Variants in B3GALT1 observed in about 807,000 individuals in gnomAD.
B3GALT1 encodes UDP-Gal:betaGlcNAc beta 1,3-galactosyltransferase, polypeptide 1.
B3GALT1 carries 10 observed loss-of-function variants against 23.2 expected under a neutral mutation model. The observed-to-expected ratio is 0.43, with a 90% confidence interval of 0.27 to 0.73. The LOEUF is 0.73. B3GALT1 is among the 30% of genes least tolerant of loss of function. B3GALT1 has a pLI of 0.21. For synonymous variants in B3GALT1, 156 were observed against 141.5 expected, an observed-to-expected ratio of 1.10 and a Z score of -0.73; for missense variants, 299 against 405.4, an observed-to-expected ratio of 0.74 and a Z score of 2.25.
chr2:167,486,796 C>T (rs1003340644), intron 1 of B3GALT1, among the ~76,000 whole-genome samples: 2 of 151,824 alleles, frequency 1.3e-5, no homozygotes, highest in Non-Finnish European at 2.9e-5. Flanking sequence ...CTGATACTCA[C>T]ACTGGCCAAA....
intron 1 of B3GALT1, among the ~76,000 whole-genome samples, chr2:167,406,093 G>A (rs1442605397): frequency 6.6e-6 from 1 of 151,986 alleles, no homozygotes; most frequent in East Asian, 1.9e-4. Context: ...GGCACCCAGT[G>A]CAATTTCTTG....
At chr2:167,451,876 T>C (rs1258990028) in intron 1 of B3GALT1, among the ~76,000 whole-genome samples, 1 of 152,136 alleles carries the variant, frequency 6.6e-6, no homozygotes, top group Non-Finnish European at 1.5e-5. Context: ...CTGTGGAGGA[T>C]GGCGGTGTGG....
chr2:167,401,292 C>T (rs1698185092), intron 1 of B3GALT1, among the ~76,000 whole-genome samples: 1 of 152,106 alleles, frequency 6.6e-6, no homozygotes. Flanking sequence ...CCTAAATTTT[C>T]AGCTCAATTG....
intron 3 of B3GALT1, chr2:167,715,792 T>C (rs1687132987): frequency 2.5e-6 from 4 of 1,613,368 alleles, no homozygotes; most frequent in South Asian, 2.2e-5. Context: ...TTTCAAGTAG[T>C]TTACATTTTT....
chr2:167,715,717 G>A, intron 3 of B3GALT1: 2 of 1,613,224 alleles, frequency 1.2e-6, no homozygotes. Context: ...CCTTCTCAAA[G>A]CTGGCATCCT....
At chr2:167,624,503 G>T (rs558153842) in intron 2 of B3GALT1, among the ~76,000 whole-genome samples, 2 of 152,182 alleles carry the variant, frequency 1.3e-5, no homozygotes, top group African/African-American at 4.8e-5. Context: ...TTTAGCTAAT[G>T]TTCAAAGCAA....
chr2:167,560,848 A>T (rs1403368311), intron 2 of B3GALT1, among the ~76,000 whole-genome samples: 3 of 152,062 alleles, frequency 2.0e-5, no homozygotes, highest in African/African-American at 2.4e-5. Flanking sequence ...CTCCCACACA[A>T]TAATAATGGG....
intron 3 of B3GALT1, among the ~76,000 whole-genome samples, chr2:167,693,231 T>C (rs1686741839): frequency 6.6e-6 from 1 of 151,820 alleles, no homozygotes; most frequent in African/African-American, 2.4e-5. Context: ...AGAGCCACAC[T>C]TGAAATTGAA....
chr2:167,296,524 A>G (rs1007872988), intron 1 of B3GALT1, among the ~76,000 whole-genome samples: 4 of 152,164 alleles, frequency 2.6e-5, no homozygotes, highest in African/African-American at 7.2e-5. Flanking sequence ...ACACATGCAT[A>G]CTAGAAAGGT....
chr2:167,359,355 A>G (rs1056125137), intron 1 of B3GALT1, among the ~76,000 whole-genome samples: 1 of 152,194 alleles, frequency 6.6e-6, no homozygotes, highest in African/African-American at 2.4e-5. Context: ...ATAGCTGCAT[A>G]CTGCTCCCTT....
chr2:167,338,159 A>G lies in B3GALT1; in HGVS notation c.-511+44825A>G, dbSNP rs561267808. 5.3e-5 allele frequency among the ~76,000 whole-genome samples: 8 copies of G among 152,308 alleles called. No individual in the cohort carries two copies. In the East Asian group the frequency reaches 1.5e-3, roughly 29 times the overall value. ...TAATAAGGTCAAAATGGTCACACACAACAGCCAATATCTGTTATTTTCTTA... is the reference window on the plus strand; with the variant it reads ...TAATAAGGTCAAAATGGTCACACACGACAGCCAATATCTGTTATTTTCTTA... On this transcript the variant is annotated intron_variant, in intron 1 of 4. Coordinates refer to ENST00000392690, the MANE Select transcript of B3GALT1 (RefSeq NM_020981.4).
chr2:167,714,486 G>A lies in B3GALT1; in HGVS notation c.-352+67520G>A, dbSNP rs186712311. ...AGAAAAGCTCTCGTTTCAGATGAAG[G>A]CTGACCCAACGGTGAGGGACCATAT... is the stretch of plus-strand genomic sequence containing the variant. On this transcript the variant is annotated intron_variant, in intron 3 of 4. Transcript: ENST00000392690. 5.6e-6 allele frequency: 9 copies of A among 1,606,074 alleles called. No individual in the cohort carries two copies. The African/African-American group carries it at 1.1e-4, about 19-fold the overall frequency.
At chr2:167,639,140 C>T (rs1454143436) in intron 2 of B3GALT1, among the ~76,000 whole-genome samples, 1 of 151,990 alleles carries the variant, frequency 6.6e-6, no homozygotes, top group Non-Finnish European at 1.5e-5. Context: ...GTAATCTCCC[C>T]TTCTGGAACA....
At chr2:167,725,003 A>G (rs1352900728) in intron 3 of B3GALT1, among the ~76,000 whole-genome samples, 1 of 152,204 alleles carries the variant, frequency 6.6e-6, no homozygotes, top group Non-Finnish European at 1.5e-5. Flanking sequence ...AGAAATGACA[A>G]TGAGACTCAT....
intron 1 of B3GALT1, among the ~76,000 whole-genome samples, chr2:167,463,366 C>T (rs1411060147): frequency 2.0e-5 from 3 of 151,902 alleles, no homozygotes; most frequent in Non-Finnish European, 4.4e-5. Flanking sequence ...ACGGTCATCT[C>T]CTCCCTCATA....
chr2:167,611,275 T>C (rs1574166928), intron 2 of B3GALT1, among the ~76,000 whole-genome samples: 2 of 152,050 alleles, frequency 1.3e-5, no homozygotes, highest in Non-Finnish European at 2.9e-5. Context: ...TGTAGAATAA[T>C]TCTAGGCATA....
intron 1 of B3GALT1, among the ~76,000 whole-genome samples, chr2:167,464,679 T>G (rs2105327470): frequency 6.6e-6 from 1 of 152,284 alleles, no homozygotes; most frequent in East Asian, 1.9e-4. Context: ...ACCTAAAGTT[T>G]CCTAACCTCC....
chr2:167,550,903 A>G (rs1683732315), intron 2 of B3GALT1, among the ~76,000 whole-genome samples: 1 of 152,192 alleles, frequency 6.6e-6, no homozygotes, highest in African/African-American at 2.4e-5. Context: ...CGTCTCACTT[A>G]TGTTACAGTC....
chr2:167,736,522 G>A (rs1427624154), intron 3 of B3GALT1, among the ~76,000 whole-genome samples: 4 of 152,176 alleles, frequency 2.6e-5, no homozygotes, highest in African/African-American at 9.7e-5. Flanking sequence ...TGCAGAATTA[G>A]ATTGCTATTG....
Sources: gnomAD v4.1 joint callset for allele counts (sites outside exome capture counted in the v4.1 genomes callset) on GRCh38, gnomAD v4.1.1 for gene constraint, MANE v1.5 for transcripts, NCBI Gene and HGNC (gene_info 2026-07-23, HGNC 2026-07-21) for gene names.